Variants in MLF2 observed in about 807,000 individuals in gnomAD.
The protein encoded by MLF2 is myelodysplasia-myeloid leukemia factor 2.
A neutral mutation model predicts 31.4 loss-of-function variants in MLF2; 12 were observed. That is an observed-to-expected ratio of 0.38 (90% CI 0.24 to 0.62). The LOEUF (loss-of-function observed/expected upper bound fraction) is 0.62. Ranked by LOEUF, MLF2 falls within the 20% of genes least tolerant of loss-of-function variation. The probability of loss-of-function intolerance (pLI) is 0.58; values close to 1 mark genes in which losing one functional copy is unlikely to be tolerated. For synonymous variants in MLF2, 109 were observed against 118.8 expected, an observed-to-expected ratio of 0.92 and a Z score of 0.54; for missense variants, 272 against 359.7, an observed-to-expected ratio of 0.76 and a Z score of 1.97.
chr12:6,749,849 C>A lies in MLF2; in HGVS notation c.558G>T (p.Glu186Asp). The A allele has an allele frequency of 6.2e-7, 1 of 1,614,120 alleles. No homozygotes were observed. The highest frequency in any genetic ancestry group is 1.1e-5 in the South Asian group (1 of 91,082). Residue 186 changes from glutamate (E) to aspartate (D), a missense_variant and splice_region_variant, in exon 7 of 9, where the codon GAG (glutamate) becomes GAT (aspartate). Transcript: ENST00000203630. This position sits in a 1 kb window ranked among gnomAD's most constrained non-coding sequence, Gnocchi z 5.3. ...CAGGAAGCGGGAGGGAAGGCTCACT[C>A]TCATCCAGGTTGATATAGTCCTGCC... is the stretch of plus-strand genomic sequence containing the variant. ...EERQDYINLD[E>D]SEAAAFDDEW...
rs767401988 is a variant in MLF2, at chr12:6,750,685, C to T, written c.270+28G>A. 1.9e-6 allele frequency: 3 copies of T among 1,611,632 alleles called. No homozygotes were observed. Among genetic ancestry groups the T allele is most frequent in the South Asian group, 2.2e-5 (2 of 90,986 alleles). ...TTGTCAGCCATCACTGAGAGCAAGG[C>T]CGGGGAAGGGTATGGGGCAAGTCTC... is the stretch of plus-strand genomic sequence containing the variant. On this transcript the variant is annotated intron_variant, in intron 5 of 8. Transcript: ENST00000203630. This position sits in a 1 kb window ranked among gnomAD's most constrained non-coding sequence, Gnocchi z 5.3.
Position 6,752,657 on chromosome 12 carries a change from G to A in MLF2, c.-29+282C>T. 7.0e-6 allele frequency: 2 copies of A among 285,774 alleles called. No homozygotes were observed. Among genetic ancestry groups the A allele is most frequent in the South Asian group, 5.7e-5 (1 of 17,558 alleles). 17.7% of individuals were successfully genotyped at this position (285,774 alleles called of 1,614,324 possible). On this transcript the variant is annotated intron_variant, in intron 1 of 8. Transcript: ENST00000203630. This position sits in a 1 kb window ranked among gnomAD's most constrained non-coding sequence, Gnocchi z 4.6. ...CGGTAGCATACTCTCCCCTCCTCCC[G>A]CCGACGACACCGTTCTAGATGAGAA...
At position 6,752,685 on chromosome 12, in the gene MLF2, C is replaced by T; in HGVS notation, c.-29+254G>A. On this transcript the variant is annotated intron_variant, in intron 1 of 8. Transcript: ENST00000203630. This position sits in a 1 kb window ranked among gnomAD's most constrained non-coding sequence, Gnocchi z 4.6. The stretch of plus-strand genomic sequence containing the variant: ...GACGACACCGTTCTAGATGAGAATG[C>T]CAAGTGCAGGTCCTCCGCCCCATTA... 4.4e-6 allele frequency: 1 copy of T among 225,662 alleles called. No homozygotes were observed. The highest frequency in any genetic ancestry group is 8.9e-6 in the Non-Finnish European group (1 of 112,934). The allele number at this position is 225,662 out of a possible 1,614,324, so 14.0% of individuals were successfully genotyped here. A position where few individuals can be genotyped will look rare whatever the true frequency, so the allele number is the denominator to read the frequency against.
rs1268467182 is a variant in MLF2 at position 6,750,474 on chromosome 12, C to T, written c.271-169G>A. 73 of 995,956 alleles carry T rather than the reference C, an allele frequency of 7.3e-5. No individual in the cohort carries two copies. The highest frequency in any genetic ancestry group is 9.6e-5 in the Non-Finnish European group (66 of 686,878). 61.7% of individuals were successfully genotyped at this position (995,956 alleles called of 1,614,324 possible). A position where few individuals can be genotyped will look rare whatever the true frequency, so the allele number is the denominator to read the frequency against. ...TCCCAAATTCCTCTGAGTCCAACCACGAGCAAGAAGGACCTGAAGAGACAG... is the reference window on the plus strand; with the variant it reads ...TCCCAAATTCCTCTGAGTCCAACCATGAGCAAGAAGGACCTGAAGAGACAG... On this transcript the variant is annotated intron_variant, in intron 5 of 8. Coordinates refer to ENST00000203630, the MANE Select transcript of MLF2 (RefSeq NM_001382226.1). The surrounding 1 kb of genome is among the most constrained non-coding windows in gnomAD (Gnocchi z 5.3).
In MLF2 at chr12:6,752,350, AG is replaced by A; in HGVS notation, c.-17del. ...AGCGGAACATCCTGATCTCAGCTCC[AG>A]GGGGCTCCACACTGGAAAGATATGG... On this transcript the variant is annotated 5_prime_UTR_variant, in exon 2 of 9. Coordinates refer to ENST00000203630, the MANE Select transcript of MLF2 (RefSeq NM_001382226.1). The surrounding 1 kb of genome is among the most constrained non-coding windows in gnomAD (Gnocchi z 4.6). The A allele has an allele frequency of 6.4e-7, 1 of 1,556,446 alleles. No individual in the cohort carries two copies. Among genetic ancestry groups the A allele is most frequent in the South Asian group, 1.2e-5 (1 of 84,392 alleles).
rs984038259 is a variant in MLF2 at position 6,749,697 on chromosome 12, T to C, written c.559+151A>G. The C allele has an allele frequency of 1.6e-4, 175 of 1,100,384 alleles. 1 individual carries two copies. The highest frequency in any genetic ancestry group is 9.5e-4 in the South Asian group (61 of 64,460). 68.2% of individuals were successfully genotyped at this position (1,100,384 alleles called of 1,614,324 possible). On this transcript the variant is annotated intron_variant, in intron 7 of 8. Coordinates refer to ENST00000203630, the MANE Select transcript of MLF2 (RefSeq NM_001382226.1). This position sits in a 1 kb window ranked among gnomAD's most constrained non-coding sequence, Gnocchi z 5.3. ...GCCACTGCACTCCAGCCTGGGCACC[T>C]GGGCAACAAGAGCGAGACTCCATCT...
Position 6,749,698 on chromosome 12 carries a change from G to A in MLF2, c.559+150C>T. ...CCACTGCACTCCAGCCTGGGCACCT[G>A]GGCAACAAGAGCGAGACTCCATCTC... On this transcript the variant is annotated intron_variant, in intron 7 of 8. Transcript: ENST00000203630. This position sits in a 1 kb window ranked among gnomAD's most constrained non-coding sequence, Gnocchi z 5.3. 4 of 1,108,516 alleles carry A rather than the reference G, an allele frequency of 3.6e-6. No homozygotes were observed. Among genetic ancestry groups the A allele is most frequent in the Non-Finnish European group, 5.1e-6 (4 of 778,830 alleles). The allele number at this position is 1,108,516 out of a possible 1,614,324, so 68.7% of individuals were successfully genotyped here.
In MLF2 at chr12:6,750,321, G is replaced by A. The variant is rs1210946777; in HGVS notation, c.271-16C>T. ...TCATGTGTTCCTGAGGACAGGGTAG[G>A]TAGGGGAGGGCTGAATGGGGAGGCA... On this transcript the variant is annotated splice_polypyrimidine_tract_variant and intron_variant, in intron 5 of 8. Coordinates refer to ENST00000203630, the MANE Select transcript of MLF2 (RefSeq NM_001382226.1). The surrounding 1 kb of genome is among the most constrained non-coding windows in gnomAD (Gnocchi z 5.3). The A allele has an allele frequency of 6.2e-7, 1 of 1,612,710 alleles. No homozygotes were observed. Among genetic ancestry groups the A allele is most frequent in the African/African-American group, 1.3e-5 (1 of 74,930 alleles).
At position 6,752,017 on chromosome 12, in the gene MLF2, T is replaced by C. The variant is rs748122641; in HGVS notation, c.88A>G (p.Met30Val). The C allele has an allele frequency of 6.8e-6, 11 of 1,614,086 alleles. No individual in the cohort carries two copies. Among genetic ancestry groups the C allele is most frequent in the African/African-American group, 6.7e-5 (5 of 74,920 alleles). The part of the protein sequence containing the change: ...FAIHRQHMSR[M>V]LSGGFGYSPF... ...CTATATCCAAAGCCACCTGACAACA[T>C]ACGGCTCATATGCTGACGGTGAATA... Residue 30 changes from methionine to valine, a missense_variant, in exon 3 of 9, where the codon ATG (methionine) becomes GTG (valine). Coordinates refer to ENST00000203630, the MANE Select transcript of MLF2 (RefSeq NM_001382226.1). This position sits in a 1 kb window ranked among gnomAD's most constrained non-coding sequence, Gnocchi z 4.6.
rs370161851 is a variant in MLF2, at chr12:6,748,905, G to A, written c.637C>T (p.Arg213Trp). 1.9e-4 allele frequency: 302 copies of A among 1,602,140 alleles called. 1 individual carries two copies. In the South Asian group the frequency reaches 2.7e-3, roughly 15 times the overall value. ...FRQQRPLEFRRLESSGAGGRR... is the reference protein window; with the variant it reads ...FRQQRPLEFRWLESSGAGGRR... ...CCCCCAGCCCCTGAGGACTCAAGCC[G>A]CCGAAACTCCAGGGGACGCTGCTGC... Residue 213 changes from arginine to tryptophan, a missense_variant, in exon 8 of 9, where the codon CGG becomes TGG. By Grantham distance (101) the Arg-to-Trp change is moderately radical (BLOSUM62 -3). Coordinates refer to ENST00000203630, the MANE Select transcript of MLF2 (RefSeq NM_001382226.1). This position sits in a 1 kb window ranked among gnomAD's most constrained non-coding sequence, Gnocchi z 4.6.
rs746297905 is a variant in MLF2 at position 6,750,238 on chromosome 12, G to A, written c.338C>T (p.Thr113Met). 33 of 1,614,060 alleles carry A rather than the reference G, an allele frequency of 2.0e-5. No individual in the cohort carries two copies. The East Asian group carries it at 3.6e-4, about 17-fold the overall frequency. ...GTAGACCTTGGGGGCACCATCACCC[G>A]TATTGGAGTAGGAGATGACAGTGGA... ...SSSTVISYSNTGDGAPKVYQE... is the reference protein window; with the variant it reads ...SSSTVISYSNMGDGAPKVYQE... The change falls in exon 6 of 9, where the codon ACG becomes ATG. Residue 113 changes from threonine to methionine, a missense_variant. By Grantham distance (81) the Thr-to-Met change is moderately conservative. Coordinates refer to ENST00000203630, the MANE Select transcript of MLF2 (RefSeq NM_001382226.1). This position sits in a 1 kb window ranked among gnomAD's most constrained non-coding sequence, Gnocchi z 5.3.
rs938532697 is a variant in MLF2, at chr12:6,753,122, G to T, written c.-212C>A. 2 of 394,146 alleles carry T rather than the reference G, an allele frequency of 5.1e-6. No homozygotes were observed. The highest frequency in any genetic ancestry group is 8.9e-6 in the Non-Finnish European group (2 of 223,736). The allele number at this position is 394,146 out of a possible 1,614,324, so 24.4% of individuals were successfully genotyped here. On this transcript the variant is annotated 5_prime_UTR_variant, in exon 1 of 9. Coordinates refer to ENST00000203630, the MANE Select transcript of MLF2 (RefSeq NM_001382226.1). Reference sequence around the variant, plus strand: ...CCTCGGCCAACGGAGCCCGAACCTCGGCCAGGCCCGGGCGGAAGTGACGTC... The same window carrying T: ...CCTCGGCCAACGGAGCCCGAACCTCTGCCAGGCCCGGGCGGAAGTGACGTC...
intron 4 of MLF2, 146 bp downstream of exon 4, chr12:6,751,495 A>G: frequency 1.0e-6 from 1 of 960,060 alleles, no homozygotes; most frequent in South Asian, 1.5e-5. Flanking sequence ...CCTAGTACCC[A>G]ACAGGCTCAG....
chr12:6,752,012 C>A lies in MLF2; in HGVS notation c.93G>T (p.Leu31Phe), dbSNP rs141443514. The change falls in exon 3 of 9, where the codon TTG (leucine) becomes TTT (phenylalanine). Residue 31 changes from leucine to phenylalanine, a missense_variant. Leu to Phe is a conservative substitution (Grantham distance 22). Transcript: ENST00000203630. The surrounding 1 kb of genome is among the most constrained non-coding windows in gnomAD (Gnocchi z 4.6). ...AGGGGCTATATCCAAAGCCACCTGA[C>A]AACATACGGCTCATATGCTGACGGT... ...AIHRQHMSRM[L>F]SGGFGYSPFL... is the part of the protein sequence containing the mutation. 3 of 1,614,216 alleles carry A rather than the reference C, an allele frequency of 1.9e-6. No individual in the cohort carries two copies. The highest frequency in any genetic ancestry group is 1.1e-5 in the South Asian group (1 of 91,084).
rs7969956 is a variant in MLF2 at position 6,750,025 on chromosome 12, G to A, written c.400-18C>T. The A allele has an allele frequency of 0.13, 211,996 of 1,613,532 alleles. 14,899 individuals are homozygous for A. Among genetic ancestry groups the A allele is most frequent in the African/African-American group, 0.21 (15,523 of 74,978 alleles). ...TCCCGGATCTGGGATGAGGCAGAAC[G>A]TGGCACACTCAGCCGCCCCTTCCAA... is the stretch of plus-strand genomic sequence containing the variant. On this transcript the variant is annotated intron_variant, in intron 6 of 8. Transcript: ENST00000203630. This position sits in a 1 kb window ranked among gnomAD's most constrained non-coding sequence, Gnocchi z 5.3.
Position 6,748,830 on chromosome 12 carries a change from A to T in MLF2, c.712T>A (p.Ser238Thr). 1 of 1,553,998 alleles carries T rather than the reference A, an allele frequency of 6.4e-7. No individual in the cohort carries two copies. Among genetic ancestry groups the T allele is most frequent in the Non-Finnish European group, 8.6e-7 (1 of 1,158,420 alleles). Reference protein sequence around the residue: ...PRLAIQGPEDSPSRQSRRYDW With the variant: ...PRLAIQGPEDTPSRQSRRYDW ...TAGCGGCGGGACTGTCGGGAAGGGGAGTCCTCAGGTCCCTGGATGGCCAGG... is the reference window on the plus strand; with the variant it reads ...TAGCGGCGGGACTGTCGGGAAGGGGTGTCCTCAGGTCCCTGGATGGCCAGG... Residue 238 changes from serine (S) to threonine (T), a missense_variant, in exon 8 of 9, where the codon TCC becomes ACC. Physicochemically the swap from Ser to Thr is moderately conservative, Grantham distance 58. Coordinates refer to ENST00000203630, the MANE Select transcript of MLF2 (RefSeq NM_001382226.1). The surrounding 1 kb of genome is among the most constrained non-coding windows in gnomAD (Gnocchi z 4.6).
At position 6,752,669 on chromosome 12, in the gene MLF2, G is replaced by A; in HGVS notation, c.-29+270C>T. The A allele has an allele frequency of 3.9e-6, 1 of 254,488 alleles. No homozygotes were observed. The allele number at this position is 254,488 out of a possible 1,614,324, so 15.8% of individuals were successfully genotyped here. On this transcript the variant is annotated intron_variant, in intron 1 of 8. Coordinates refer to ENST00000203630, the MANE Select transcript of MLF2 (RefSeq NM_001382226.1). The surrounding 1 kb of genome is among the most constrained non-coding windows in gnomAD (Gnocchi z 4.6). ...CTCCCCTCCTCCCGCCGACGACACC[G>A]TTCTAGATGAGAATGCCAAGTGCAG... is the stretch of plus-strand genomic sequence containing the variant.
Position 6,752,421 on chromosome 12 carries a change from A to T in MLF2, c.-28-59T>A. 1.5e-6 allele frequency: 2 copies of T among 1,361,086 alleles called. No individual in the cohort carries two copies. The highest frequency in any genetic ancestry group is 2.0e-6 in the Non-Finnish European group (2 of 978,008). The allele number at this position is 1,361,086 out of a possible 1,614,324, so 84.3% of individuals were successfully genotyped here. A position where few individuals can be genotyped will look rare whatever the true frequency, so the allele number is the denominator to read the frequency against. On this transcript the variant is annotated intron_variant, in intron 1 of 8. Coordinates refer to ENST00000203630, the MANE Select transcript of MLF2 (RefSeq NM_001382226.1). The surrounding 1 kb of genome is among the most constrained non-coding windows in gnomAD (Gnocchi z 4.6). ...TGGCCAGGGTTTTGCACACCCACTC[A>T]GTGTGGGGACTCTCAGAGCACTGTC... is the stretch of plus-strand genomic sequence containing the variant.
chr12:6,750,572 C>A lies in MLF2; in HGVS notation c.270+141G>T. The A allele has an allele frequency of 9.3e-7, 1 of 1,072,824 alleles. No individual in the cohort carries two copies. The allele number at this position is 1,072,824 out of a possible 1,614,324, so 66.5% of individuals were successfully genotyped here. On this transcript the variant is annotated intron_variant, in intron 5 of 8. Coordinates refer to ENST00000203630, the MANE Select transcript of MLF2 (RefSeq NM_001382226.1). The surrounding 1 kb of genome is among the most constrained non-coding windows in gnomAD (Gnocchi z 5.3). ...GCAGGCATGACAGCAGGTACAGGGT[C>A]CCAAGGCTCTCTGGTTCAATTACTT...
Sources: allele counts gnomAD v4.1 joint callset, GRCh38; gene constraint gnomAD v4.1.1; non-coding constraint Gnocchi (gnomAD v3.1); transcripts MANE v1.5; gene names NCBI Gene and HGNC (gene_info 2026-07-23, HGNC 2026-07-21).